The following RUSC2 variants were observed in gnomAD, a reference collection of about 807,000 sequenced individuals.
The protein encoded by RUSC2 is AP-4 complex accessory subunit RUSC2.
RUSC2 carries 34 observed loss-of-function variants against 122.2 expected under a neutral mutation model. The ratio of observed to expected loss-of-function variants is 0.28; its 90% CI spans 0.21 to 0.37. The LOEUF (loss-of-function observed/expected upper bound fraction) is 0.37, where lower values mean the gene tolerates loss of function less well. Among genes scored for constraint, RUSC2 ranks in the 10% least tolerant of loss-of-function variants. The pLI is 1.00. For synonymous variants in RUSC2, 784 were observed against 790.0 expected, an observed-to-expected ratio of 0.99 and a Z score of 0.13; for missense variants, 1,747 against 1,952.4, an observed-to-expected ratio of 0.89 and a Z score of 1.98.
chr9:35,541,570 C>T (rs187650134), intron 1 of RUSC2, among the ~76,000 whole-genome samples: 43 of 152,136 alleles, frequency 2.8e-4, no homozygotes, highest in Admixed American at 1.6e-3. Context: ...CCTCAGCCTC[C>T]CAAGTAGCTG....
chr9:35,506,321 A>T (rs1820915852), intron 1 of RUSC2, among the ~76,000 whole-genome samples: 1 of 151,676 alleles, frequency 6.6e-6, no homozygotes, highest in Admixed American at 6.6e-5. Context: ...TTAAAAATAT[A>T]CTTATAACTT....
intron 1 of RUSC2, among the ~76,000 whole-genome samples, chr9:35,518,998 T>A (rs1821161464): frequency 6.6e-6 from 1 of 152,204 alleles, no homozygotes; most frequent in African/African-American, 2.4e-5. Flanking sequence ...AAGAGAGTAC[T>A]ATAAGCAACA....
chr9:35,524,354 T>TCCCAA (rs1344206300), intron 1 of RUSC2, among the ~76,000 whole-genome samples: 1 of 152,160 alleles, frequency 6.6e-6, no homozygotes, highest in Admixed American at 6.5e-5. Flanking sequence ...AGTAAATAAC[T>TCCCAA]GATTCAGATG....
chr9:35,523,278 A>G, intron 1 of RUSC2, among the ~76,000 whole-genome samples: 1 of 152,234 alleles, frequency 6.6e-6, no homozygotes, highest in East Asian at 1.9e-4. Flanking sequence ...ATAAGTGAAA[A>G]AAGCAGCCAC....
At chr9:35,529,002 G>A (rs139469617) in intron 1 of RUSC2, among the ~76,000 whole-genome samples, 15 of 152,028 alleles carry the variant, frequency 9.9e-5, no homozygotes, top group East Asian at 9.7e-4. Flanking sequence ...AGCCTTTTTC[G>A]ATACCATTGA....
chr9:35,550,215 A>T (rs1242370785), intron 2 of RUSC2, among the ~76,000 whole-genome samples: 1 of 151,632 alleles, frequency 6.6e-6, no homozygotes. Context: ...CACCTCAAAA[A>T]AAAAAAAAAA....
At chr9:35,536,550 C>A (rs1231858426) in intron 1 of RUSC2, among the ~76,000 whole-genome samples, 3 of 152,140 alleles carry the variant, frequency 2.0e-5, no homozygotes, top group Non-Finnish European at 4.4e-5. Context: ...CGGTGGCTCA[C>A]ACCTGTAATC....
chr9:35,553,807 A>G (rs893839782), intron 2 of RUSC2, among the ~76,000 whole-genome samples: 1 of 152,174 alleles, frequency 6.6e-6, no homozygotes, highest in Non-Finnish European at 1.5e-5. Flanking sequence ...AGTGATTCAG[A>G]AGCACCTCCC....
intron 1 of RUSC2, among the ~76,000 whole-genome samples, chr9:35,540,002 A>G (rs1254921804): frequency 6.6e-6 from 1 of 152,204 alleles, no homozygotes; most frequent in Non-Finnish European, 1.5e-5. Context: ...TGGCAGAAAG[A>G]CACTGATGAC....
In RUSC2 at chr9:35,547,959, G is replaced by C. The variant is rs752207496; in HGVS notation, c.1438G>C (p.Val480Leu). The part of the protein sequence containing the change: ...AVGPTVLEGQ[V>L]YTNTSPPNLS... ...GGGCCCCACTGTGCTTGAGGGACAA[G>C]TATACACGAATACTTCACCCCCCAA... Residue 480 changes from valine to leucine, a missense_variant, in exon 2 of 12, where the codon GTA becomes CTA. Coordinates refer to ENST00000361226, the MANE Select transcript of RUSC2 (RefSeq NM_014806.5). The surrounding 1 kb of genome is among the most constrained non-coding windows in gnomAD (Gnocchi z 4.6). 1 of 1,614,186 alleles carries C rather than the reference G, an allele frequency of 6.2e-7. No individual in the cohort carries two copies. Among genetic ancestry groups the C allele is most frequent in the South Asian group, 1.1e-5 (1 of 91,080 alleles).
At position 35,555,487 on chromosome 9, in the gene RUSC2, G is replaced by T. The variant is rs764927355; in HGVS notation, c.2442G>T (p.Leu814=). ...AGCAGCCCACAGCCACAGAAAGCCT[G>T]CCCCCATGGAGCCACTCCTGTCCTT... ...PPEQPTATES[L]PPWSHSCPSA... Residue 814 remains leucine (L), a synonymous_variant, in exon 3 of 12, where the codon CTG becomes CTT. Coordinates refer to ENST00000361226, the MANE Select transcript of RUSC2 (RefSeq NM_014806.5). This position sits in a 1 kb window ranked among gnomAD's most constrained non-coding sequence, Gnocchi z 4.6. 6.2e-7 allele frequency: 1 copy of T among 1,614,176 alleles called. No homozygotes were observed. The highest frequency in any genetic ancestry group is 1.3e-5 in the African/African-American group (1 of 75,052).
intron 1 of RUSC2, among the ~76,000 whole-genome samples, chr9:35,506,810 AAAAT>A (rs1820925337): frequency 6.6e-6 from 1 of 152,226 alleles, no homozygotes; most frequent in Non-Finnish European, 1.5e-5. Context: ...TTTAAAAATC[AAAAT>A]AAATATATAA....
chr9:35,560,115 C>T lies in RUSC2; in HGVS notation c.3475C>T (p.Leu1159=), dbSNP rs577236464. ...CGGCCTCTTTGAAGAGCTGCTGCTG[C>T]TGCTACAGCCCCTGGCCCTGCTGCC... is the stretch of plus-strand genomic sequence containing the variant. ...CPGLFEELLL[L]LQPLALLPFS... The change falls in exon 10 of 12, where the codon CTG becomes TTG. Residue 1159 remains leucine, a synonymous_variant. Coordinates refer to ENST00000361226, the MANE Select transcript of RUSC2 (RefSeq NM_014806.5). The T allele has an allele frequency of 3.7e-5, 59 of 1,612,868 alleles. No homozygotes were observed. Among genetic ancestry groups the T allele is most frequent in the Non-Finnish European group, 4.7e-5 (56 of 1,179,998 alleles).
rs1821803796 is a variant in RUSC2, at chr9:35,548,071, T to G, written c.1550T>G (p.Met517Arg). ...GTCCGCCTGGGCTCGCTGGAACGTA[T>G]GTTGAGTTGCCCAGTGCGCTTGAGT... Reference protein sequence around the residue: ...PPVRLGSLERMLSCPVRLSEG... With the variant: ...PPVRLGSLERRLSCPVRLSEG... The change falls in exon 2 of 12, where the codon ATG becomes AGG. Residue 517 changes from methionine (M) to arginine (R), a missense_variant. Transcript: ENST00000361226. This position sits in a 1 kb window ranked among gnomAD's most constrained non-coding sequence, Gnocchi z 4.5. 1.2e-6 allele frequency: 2 copies of G among 1,613,372 alleles called. No individual in the cohort carries two copies. The highest frequency in any genetic ancestry group is 1.7e-6 in the Non-Finnish European group (2 of 1,180,032).
chr9:35,554,463 T>C (rs1323852668), intron 2 of RUSC2, among the ~76,000 whole-genome samples: 1 of 152,198 alleles, frequency 6.6e-6, no homozygotes, highest in Non-Finnish European at 1.5e-5. Flanking sequence ...TGTGCTGGCA[T>C]GATTGGAGAT....
At position 35,544,307 on chromosome 9, in the gene RUSC2, C is replaced by CTTTTTT. The variant is rs55870659; in HGVS notation, c.-92-2109_-92-2104dup. ...CCCTGTCTTAAACTGGATCATATGTCTTTTTTTTTTTTTTTTTTTGAGACA... is the reference window on the plus strand; with the variant it reads ...CCCTGTCTTAAACTGGATCATATGTCTTTTTTTTTTTTTTTTTTTTTTTTTGAGACA... On this transcript the variant is annotated intron_variant, in intron 1 of 11. Transcript: ENST00000361226. Among the ~76,000 whole-genome samples, 47 of 113,102 alleles carry CTTTTTT rather than the reference C, an allele frequency of 4.2e-4. 1 individual carries two copies. Among genetic ancestry groups the CTTTTTT allele is most frequent in the African/African-American group, 7.5e-4 (22 of 29,518 alleles). 74.2% of individuals were successfully genotyped at this position (113,102 alleles called of 152,430 possible).
At chr9:35,511,411 G>C (rs1030166908) in intron 1 of RUSC2, among the ~76,000 whole-genome samples, 3 of 152,122 alleles carry the variant, frequency 2.0e-5, no homozygotes, top group Non-Finnish European at 4.4e-5. Flanking sequence ...TATGAGTATG[G>C]TATGAAGAGA....
rs1040577064 is a variant in RUSC2 at position 35,548,150 on chromosome 9, C to A, written c.1629C>A (p.Ser543=). The A allele has an allele frequency of 1.2e-6, 2 of 1,613,318 alleles. No individual in the cohort carries two copies. Among genetic ancestry groups the A allele is most frequent in the Non-Finnish European group, 1.7e-6 (2 of 1,180,006 alleles). Residue 543 remains serine (S), a synonymous_variant, in exon 2 of 12, where the codon TCC becomes TCA. Transcript: ENST00000361226. The surrounding 1 kb of genome is among the most constrained non-coding windows in gnomAD (Gnocchi z 4.5). ...GPGSPPRRVT[S]FAELAKGRKK... is the part of the protein sequence containing the mutation. ...GCTCCCCACCCAGGAGGGTCACCTCCTTTGCCGAGCTGGCCAAGGGCCGGA... is the reference window on the plus strand; with the variant it reads ...GCTCCCCACCCAGGAGGGTCACCTCATTTGCCGAGCTGGCCAAGGGCCGGA...
chr9:35,561,809 A>AGAGG lies in RUSC2; in HGVS notation c.*432_*435dup, dbSNP rs533641698. ...CTGTGGCCAGTGCCTGGTCATCAGAAGAGGGAGGAGGAGCCCAGGCGTCTG... is the reference window on the plus strand; with the variant it reads ...CTGTGGCCAGTGCCTGGTCATCAGAAGAGGGAGGGAGGAGGAGCCCAGGCGTCTG... On this transcript the variant is annotated 3_prime_UTR_variant, in exon 12 of 12. Transcript: ENST00000361226. 1 of 581,328 alleles carries AGAGG rather than the reference A, an allele frequency of 1.7e-6. No homozygotes were observed. The highest frequency in any genetic ancestry group is 1.9e-5 in the African/African-American group (1 of 53,756). 36.0% of individuals were successfully genotyped at this position (581,328 alleles called of 1,614,324 possible). A position where few individuals can be genotyped will look rare whatever the true frequency, so the allele number is the denominator to read the frequency against.
Sources: allele counts gnomAD v4.1 joint callset (sites outside exome capture counted in the v4.1 genomes callset), GRCh38; gene constraint gnomAD v4.1.1; non-coding constraint Gnocchi (gnomAD v3.1); transcripts MANE v1.5; gene names NCBI Gene and HGNC (gene_info 2026-07-23, HGNC 2026-07-21).